The following OCIAD1 variants were observed in gnomAD, a reference collection of about 807,000 sequenced individuals.
OCIAD1 encodes OCIA domain containing 1.
In OCIAD1, 29 loss-of-function variants were observed where a neutral mutation model predicts 38.9. The ratio of observed to expected loss-of-function variants is 0.74; its 90% CI spans 0.55 to 1.02. The LOEUF (loss-of-function observed/expected upper bound fraction) is 1.02. Ranked by LOEUF, OCIAD1 falls within the 50% of genes least tolerant of loss-of-function variation. The pLI, the probability that OCIAD1 is intolerant of heterozygous loss-of-function variation, is 0.00. For synonymous variants in OCIAD1, 110 were observed against 92.0 expected (o/e 1.20, Z -1.12); for missense variants, 288 against 289.6 (o/e 0.99, Z 0.04).
intron 1 of OCIAD1, among the ~76,000 whole-genome samples, chr4:48,816,896 G>C (rs1306073876): frequency 2.0e-5 from 3 of 152,182 alleles, no homozygotes; most frequent in African/African-American, 7.2e-5. Flanking sequence ...CTTGAATCTG[G>C]GAGGTGGAGG....
At chr4:48,829,015 C>T (rs1381257525), upstream of OCIAD1, among the ~76,000 whole-genome samples, 3 of 152,206 alleles carry the variant, frequency 2.0e-5, no homozygotes, top group Admixed American at 2.0e-4. Flanking sequence ...AACCCCAGCA[C>T]TTCGGGAGGC....
At chr4:48,849,216 G>A (rs1779219574) in intron 5 of OCIAD1, among the ~76,000 whole-genome samples, 1 of 152,020 alleles carries the variant, frequency 6.6e-6, no homozygotes, top group African/African-American at 2.4e-5. Flanking sequence ...AATGGGTGCA[G>A]CACACCAACG....
At position 48,833,411 on chromosome 4, in the gene OCIAD1, T is replaced by C. The variant is rs1310042731; in HGVS notation, c.69T>C (p.Pro23=). 6.3e-7 allele frequency: 1 copy of C among 1,594,334 alleles called. No individual in the cohort carries two copies. The highest frequency in any genetic ancestry group is 2.2e-5 in the East Asian group (1 of 44,752). ...TTCCCTGGTAAAAAGACATAGGGCC[T>C]GATTACATTCCAACAGAGGAAGAAA... ...EVPRPIPHIG[P]DYIPTEEERR... is the part of the protein sequence containing the mutation. Residue 23 remains proline, a synonymous_variant, in exon 3 of 9, where the codon CCT becomes CCC. Transcript: ENST00000264312.
chr4:48,811,282 A>G (rs769987790), intron 1 of OCIAD1, among the ~76,000 whole-genome samples: 3 of 152,222 alleles, frequency 2.0e-5, no homozygotes, highest in Non-Finnish European at 4.4e-5. Flanking sequence ...TTAACACAGT[A>G]GCCAGAGTGA....
chr4:48,836,524 T>G (rs1778006085), intron 3 of OCIAD1, among the ~76,000 whole-genome samples: 1 of 152,210 alleles, frequency 6.6e-6, no homozygotes. Flanking sequence ...ATTAGTTTAT[T>G]GTGGAGTTGT....
upstream of OCIAD1, among the ~76,000 whole-genome samples, chr4:48,830,839 A>T (rs1456289857): frequency 6.6e-6 from 1 of 152,098 alleles, no homozygotes; most frequent in African/African-American, 2.4e-5. Flanking sequence ...GGTGCATCAC[A>T]ACAGCCCAAA....
chr4:48,857,450 T>G, intron 8 of OCIAD1, 85 bp downstream of exon 8: 1 of 758,778 alleles, frequency 1.3e-6, no homozygotes, highest in Non-Finnish European at 1.9e-6. Flanking sequence ...AAAAATTAAT[T>G]AATATGTGAT....
At chr4:48,838,896 T>G (rs1778265722) in intron 3 of OCIAD1, among the ~76,000 whole-genome samples, 1 of 152,212 alleles carries the variant, frequency 6.6e-6, no homozygotes, top group African/African-American at 2.4e-5. Context: ...GAAGGCATCT[T>G]ATTTCTAGGT....
intron 5 of OCIAD1, among the ~76,000 whole-genome samples, chr4:48,849,055 A>G (rs1339506308): frequency 3.3e-5 from 5 of 152,176 alleles, no homozygotes; most frequent in African/African-American, 1.2e-4. Context: ...ACAGAAAACC[A>G]AACACCGCAT....
At chr4:48,860,683 ATTATTGC>A in intron 8 of OCIAD1, 35 bp from the exon 9 acceptor site, 1 of 1,383,138 alleles carries the variant, frequency 7.2e-7, no homozygotes, top group Non-Finnish European at 1.0e-6. Flanking sequence ...TCTTTTACTT[ATTATTGC>A]TTGGAATCAT....
At chr4:48,842,603 G>A in intron 3 of OCIAD1, 33 bp from the exon 4 acceptor site, 1 of 1,448,566 alleles carries the variant, frequency 6.9e-7, no homozygotes, top group East Asian at 2.3e-5. Context: ...TTTTACTTTT[G>A]TTGATGTTAA....
chr4:48,813,330 G>A (rs751148577), intron 1 of OCIAD1, among the ~76,000 whole-genome samples: 38 of 152,162 alleles, frequency 2.5e-4, no homozygotes, highest in Non-Finnish European at 4.1e-4. Context: ...TTGTGATGTG[G>A]TAAGTGTTAT....
chr4:48,821,602 A>G (rs553655605), intron 1 of OCIAD1, among the ~76,000 whole-genome samples: 7 of 152,324 alleles, frequency 4.6e-5, no homozygotes, highest in African/African-American at 1.7e-4. Flanking sequence ...AGGAAGTCAA[A>G]TTGTCTCTGT....
At chr4:48,828,026 C>A (rs1474729526), upstream of OCIAD1, among the ~76,000 whole-genome samples, 3 of 152,138 alleles carry the variant, frequency 2.0e-5, no homozygotes, top group African/African-American at 7.2e-5. Flanking sequence ...ATGCACCAAT[C>A]AGCACTCTTT....
At chr4:48,845,128 T>A (rs975110124) in intron 4 of OCIAD1, among the ~76,000 whole-genome samples, 1 of 152,178 alleles carries the variant, frequency 6.6e-6, no homozygotes, top group Non-Finnish European at 1.5e-5. Context: ...TGCTCAGGTC[T>A]CCTCTAACTT....
chr4:48,821,063 A>G (rs1004634228), intron 1 of OCIAD1, among the ~76,000 whole-genome samples: 2 of 152,258 alleles, frequency 1.3e-5, no homozygotes, highest in African/African-American at 4.8e-5. Context: ...GGCCAGCATC[A>G]TCCTGATATG....
chr4:48,814,384 A>G (rs1277849059), intron 1 of OCIAD1, among the ~76,000 whole-genome samples: 1 of 151,876 alleles, frequency 6.6e-6, no homozygotes, highest in African/African-American at 2.4e-5. Context: ...TAGACGTGGA[A>G]AAAACTCTCC....
At chr4:48,811,143 C>A (rs1311245790) in intron 1 of OCIAD1, among the ~76,000 whole-genome samples, 1 of 152,104 alleles carries the variant, frequency 6.6e-6, no homozygotes, top group East Asian at 1.9e-4. Flanking sequence ...AGGCGTGAAC[C>A]ATTGCACCTG....
intron 6 of OCIAD1, 76 bp downstream of exon 6, chr4:48,850,158 C>T: frequency 1.4e-6 from 2 of 1,471,296 alleles, no homozygotes; most frequent in South Asian, 2.5e-5. Context: ...ACTCATGGCT[C>T]AAAAACATTG....
Sources: gnomAD v4.1 joint callset for allele counts (sites outside exome capture counted in the v4.1 genomes callset) on GRCh38, gnomAD v4.1.1 for gene constraint, MANE v1.5 for transcripts, NCBI Gene and HGNC (gene_info 2026-07-23, HGNC 2026-07-21) for gene names.